Variants in NAALADL2 observed in about 807,000 individuals in gnomAD.
NAALADL2 encodes the protein inactive N-acetylated-alpha-linked acidic dipeptidase-like protein 2.
Under a neutral mutation model 87.2 loss-of-function variants are expected in NAALADL2, and 76 were observed. That is an observed-to-expected ratio of 0.87 (90% CI 0.72 to 1.05). NAALADL2 has a LOEUF of 1.05. Among genes scored for constraint, NAALADL2 ranks in the 50% least tolerant of loss-of-function variants. The pLI is 0.00. For missense variants in NAALADL2, 1,089 were observed against 945.8 expected (o/e 1.15, Z -1.99); for synonymous variants, 354 against 331.0 (o/e 1.07, Z -0.75).
intron 2 of NAALADL2, among the ~76,000 whole-genome samples, chr3:174,668,933 C>A (rs1428115480): frequency 6.6e-6 from 1 of 152,052 alleles, no homozygotes; most frequent in Non-Finnish European, 1.5e-5. Context: ...GGGTATATAC[C>A]CAGTAATGGG....
intron 1 of NAALADL2, among the ~76,000 whole-genome samples, chr3:174,947,166 A>G (rs1260435833): frequency 1.3e-5 from 2 of 152,228 alleles, no homozygotes; most frequent in Middle Eastern, 3.4e-3. Flanking sequence ...CTGCCACATG[A>G]TACTGATTTT....
chr3:174,533,393 C>T (rs1721425310), intron 1 of NAALADL2, among the ~76,000 whole-genome samples: 1 of 152,128 alleles, frequency 6.6e-6, no homozygotes, highest in African/African-American at 2.4e-5. Flanking sequence ...TTATCAGCCT[C>T]AACTCCTGTT....
chr3:175,698,411 G>GTGTATATATT lies in NAALADL2; in HGVS notation c.1897-38894_1897-38893insGTATATATTT, dbSNP rs1399355308. On this transcript the variant is annotated intron_variant, in intron 11 of 13. Transcript: ENST00000454872. ...TGTATACATATGTATGTGTATTTAT[G>GTGTATATATT]TATGTATACATATGTATGTGTATAT... is the stretch of plus-strand genomic sequence containing the variant. 5.6e-5 allele frequency among the ~76,000 whole-genome samples: 3 copies of GTGTATATATT among 53,960 alleles called. 1 individual carries two copies. Among genetic ancestry groups the GTGTATATATT allele is most frequent in the African/African-American group, 4.8e-4 (2 of 4,124 alleles). The allele number at this position is 53,960 out of a possible 152,430, so 35.4% of individuals were successfully genotyped here.
intron 1 of NAALADL2, among the ~76,000 whole-genome samples, chr3:174,450,186 G>A (rs1266436733): frequency 3.9e-5 from 6 of 152,132 alleles, no homozygotes; most frequent in Admixed American, 3.3e-4. Flanking sequence ...AAAACACCAA[G>A]CGTTTGGTCT....
intron 10 of NAALADL2, among the ~76,000 whole-genome samples, chr3:175,591,938 A>G (rs112491930): frequency 0.043 from 6,482 of 151,760 alleles, 469 homozygotes; most frequent in African/African-American, 0.15. Context: ...TATAGTGGAA[A>G]AATAAAATCT....
At chr3:175,387,791 A>G (rs1768583011) in intron 5 of NAALADL2, among the ~76,000 whole-genome samples, 1 of 152,130 alleles carries the variant, frequency 6.6e-6, no homozygotes, top group East Asian at 1.9e-4. Context: ...TTTCTTTCCT[A>G]AAATCTACAA....
At chr3:175,075,982 C>T (rs1431005420) in intron 1 of NAALADL2, among the ~76,000 whole-genome samples, 4 of 152,040 alleles carry the variant, frequency 2.6e-5, no homozygotes, top group African/African-American at 9.7e-5. Flanking sequence ...AATCCCAGTA[C>T]TTTAGGAGGC....
intron 3 of NAALADL2, among the ~76,000 whole-genome samples, chr3:174,784,505 G>T (rs1716366929): frequency 6.6e-6 from 1 of 152,158 alleles, no homozygotes. Context: ...CACAGTGCTG[G>T]ATGAAATCAA....
At chr3:174,949,517 C>G (rs1740006874) in intron 1 of NAALADL2, among the ~76,000 whole-genome samples, 1 of 152,020 alleles carries the variant, frequency 6.6e-6, no homozygotes, top group Non-Finnish European at 1.5e-5. Context: ...GTAAAAAAAA[C>G]AAATTCAGTA....
intron 2 of NAALADL2, among the ~76,000 whole-genome samples, chr3:174,730,829 T>C (rs1007705462): frequency 1.3e-5 from 2 of 152,114 alleles, no homozygotes; most frequent in South Asian, 2.1e-4. Flanking sequence ...TTTCCACTTA[T>C]CAATAACTCT....
At chr3:175,593,301 C>T (rs1031362924) in intron 10 of NAALADL2, among the ~76,000 whole-genome samples, 4 of 152,082 alleles carry the variant, frequency 2.6e-5, no homozygotes, top group Admixed American at 1.3e-4. Context: ...ATTGTGATAA[C>T]GTCTAAGCAG....
rs1741641284 is a variant in NAALADL2 at position 174,959,349 on chromosome 3, A to G, written c.43+99899A>G. Among the ~76,000 whole-genome samples, 7 of 152,140 alleles carry G rather than the reference A, an allele frequency of 4.6e-5. No individual in the cohort carries two copies. The South Asian group carries it at 1.5e-3, about 32-fold the overall frequency. ...TTAAAATCAAGTAAAAATAGACCCT[A>G]ATCTTGGAGATTATTATTTTGTTGG... is the stretch of plus-strand genomic sequence containing the variant. On this transcript the variant is annotated intron_variant, in intron 1 of 13. Coordinates refer to ENST00000454872, the MANE Select transcript of NAALADL2 (RefSeq NM_207015.3).
chr3:174,906,149 A>C (rs1276038288), intron 1 of NAALADL2, among the ~76,000 whole-genome samples: 1 of 152,110 alleles, frequency 6.6e-6, no homozygotes, highest in Non-Finnish European at 1.5e-5. Context: ...AATGATCTTT[A>C]CATGCCAATT....
chr3:175,037,679 A>G (rs969027831), intron 1 of NAALADL2, among the ~76,000 whole-genome samples: 3 of 152,130 alleles, frequency 2.0e-5, no homozygotes, highest in South Asian at 2.1e-4. Flanking sequence ...AAATGGCCTC[A>G]TGCCTGCTTC....
chr3:174,927,592 C>T (rs554244982), intron 1 of NAALADL2, among the ~76,000 whole-genome samples: 3 of 152,282 alleles, frequency 2.0e-5, no homozygotes, highest in African/African-American at 7.2e-5. Flanking sequence ...ACTGAACAAC[C>T]TGCTCCTGAA....
At chr3:175,245,287 G>A (rs545966963) in intron 3 of NAALADL2, among the ~76,000 whole-genome samples, 17 of 152,222 alleles carry the variant, frequency 1.1e-4, no homozygotes, top group Admixed American at 9.8e-4. Context: ...TCTGGAAAAT[G>A]TTTAAAGTTT....
At chr3:175,007,216 T>C (rs2108787683) in intron 1 of NAALADL2, among the ~76,000 whole-genome samples, 1 of 151,114 alleles carries the variant, frequency 6.6e-6, no homozygotes. Context: ...ATATAACCTA[T>C]TGTAGTGCTA....
At chr3:175,414,396 T>C (rs1028825858) in intron 5 of NAALADL2, among the ~76,000 whole-genome samples, 5 of 152,192 alleles carry the variant, frequency 3.3e-5, no homozygotes, top group African/African-American at 1.2e-4. Context: ...TATCTTTTGG[T>C]CCCTCTATTT....
chr3:175,135,377 A>G (rs950841652), intron 2 of NAALADL2, among the ~76,000 whole-genome samples: 2 of 152,150 alleles, frequency 1.3e-5, no homozygotes, highest in African/African-American at 4.8e-5. Context: ...ATATCCTTGT[A>G]TTTCCTTTGT....
Sources: gnomAD v4.1 joint callset for allele counts (sites outside exome capture counted in the v4.1 genomes callset) on GRCh38, gnomAD v4.1.1 for gene constraint, MANE v1.5 for transcripts, NCBI Gene and HGNC (gene_info 2026-07-23, HGNC 2026-07-21) for gene names.